Variants in RNF180 observed in about 807,000 individuals in gnomAD.
RNF180 encodes the protein E3 ubiquitin-protein ligase RNF180.
Under a neutral mutation model 59.2 loss-of-function variants are expected in RNF180, and 38 were observed. That is an observed-to-expected ratio of 0.64 (90% CI 0.50 to 0.84). The LOEUF (loss-of-function observed/expected upper bound fraction) is 0.84. Ranked by LOEUF, RNF180 falls within the 40% of genes least tolerant of loss-of-function variation. The probability of loss-of-function intolerance (pLI) is 0.00; values close to 1 mark genes in which losing one functional copy is unlikely to be tolerated. For synonymous variants in RNF180, 262 were observed against 240.3 expected (o/e 1.09, Z -0.84); for missense variants, 705 against 700.9 (o/e 1.01, Z -0.07).
chr5:64,240,952 A>G (rs2112235672), intron 5 of RNF180, among the ~76,000 whole-genome samples: 1 of 152,232 alleles, frequency 6.6e-6, no homozygotes, highest in Admixed American at 6.5e-5. Flanking sequence ...TTTCTACCCT[A>G]CTGGACTATA....
intron 5 of RNF180, among the ~76,000 whole-genome samples, chr5:64,313,889 AT>A (rs1743909417): frequency 6.6e-6 from 1 of 152,032 alleles, no homozygotes. Flanking sequence ...TTTGATTTGC[AT>A]TTATCTAATG....
At chr5:64,227,548 G>A (rs973757477) in intron 5 of RNF180, among the ~76,000 whole-genome samples, 11 of 152,328 alleles carry the variant, frequency 7.2e-5, no homozygotes, top group Non-Finnish European at 7.3e-5. Context: ...CCTCAGAAAG[G>A]GGCCCCTCCA....
chr5:64,228,555 A>C (rs977566773), intron 5 of RNF180, among the ~76,000 whole-genome samples: 1 of 152,156 alleles, frequency 6.6e-6, no homozygotes, highest in Non-Finnish European at 1.5e-5. Context: ...GTTGTTATCT[A>C]TGAAGGGGAA....
At chr5:64,245,388 G>A (rs567579097) in intron 5 of RNF180, among the ~76,000 whole-genome samples, 1 of 152,234 alleles carries the variant, frequency 6.6e-6, no homozygotes, top group South Asian at 2.1e-4. Flanking sequence ...CACATGCAAA[G>A]ACACACATAA....
chr5:64,179,642 TTATC>T (rs1750460911), intron 1 of RNF180, among the ~76,000 whole-genome samples: 1 of 152,222 alleles, frequency 6.6e-6, no homozygotes, highest in African/African-American at 2.4e-5. Flanking sequence ...GAACAAATAT[TTATC>T]AAATCAATTG....
intron 1 of RNF180, among the ~76,000 whole-genome samples, chr5:64,192,787 C>T (rs926948150): frequency 6.6e-6 from 1 of 151,360 alleles, no homozygotes; most frequent in African/African-American, 2.4e-5. Context: ...AAGTAACAGT[C>T]TCAAAGAGAT....
intron 5 of RNF180, among the ~76,000 whole-genome samples, chr5:64,259,473 C>T (rs1443458038): frequency 2.0e-5 from 3 of 152,092 alleles, no homozygotes; most frequent in Non-Finnish European, 2.9e-5. Flanking sequence ...AAGTATAGAC[C>T]TTGTGATGTT....
chr5:64,203,941 G>T (rs56219691), intron 2 of RNF180, among the ~76,000 whole-genome samples: 1 of 152,028 alleles, frequency 6.6e-6, no homozygotes, highest in Non-Finnish European at 1.5e-5. Context: ...GAAATTATTA[G>T]AACCCCAAAG....
intron 7 of RNF180, among the ~76,000 whole-genome samples, chr5:64,361,766 T>A (rs1746262103): frequency 6.6e-6 from 1 of 151,558 alleles, no homozygotes; most frequent in South Asian, 2.1e-4. Context: ...ATGCAGAAGC[T>A]TCTCTTACTA....
At chr5:64,358,362 A>G (rs752506540) in intron 7 of RNF180, among the ~76,000 whole-genome samples, 4 of 151,900 alleles carry the variant, frequency 2.6e-5, no homozygotes, top group Non-Finnish European at 4.4e-5. Context: ...TCCAGGGGAC[A>G]GGGAAGCACA....
At position 64,214,259 on chromosome 5, in the gene RNF180, G is replaced by T. The variant is rs367618450; in HGVS notation, c.933G>T (p.Gln311His). The change falls in exon 4 of 8, where the codon CAG becomes CAT. Residue 311 changes from glutamine to histidine, a missense_variant. Physicochemically the swap from Gln to His is conservative, Grantham distance 24. Transcript: ENST00000389100. ...ETQTQRGGEFQCGLEAASVYS... is the reference protein window; with the variant it reads ...ETQTQRGGEFHCGLEAASVYS... Reference sequence around the variant, plus strand: ...AGACACAAAGAGGAGGAGAATTTCAGTGTGGTCTAGAAGCTGCTTCAGTGT... The same window carrying T: ...AGACACAAAGAGGAGGAGAATTTCATTGTGGTCTAGAAGCTGCTTCAGTGT... 2 of 1,614,030 alleles carry T rather than the reference G, an allele frequency of 1.2e-6. No homozygotes were observed. The highest frequency in any genetic ancestry group is 1.7e-6 in the Non-Finnish European group (2 of 1,179,990).
intron 5 of RNF180, among the ~76,000 whole-genome samples, chr5:64,290,783 G>T (rs1302747063): frequency 6.6e-6 from 1 of 152,032 alleles, no homozygotes; most frequent in Non-Finnish European, 1.5e-5. Flanking sequence ...CATGTGAGAT[G>T]GGTTTCTTGA....
At chr5:64,316,945 G>A (rs925660073) in intron 5 of RNF180, among the ~76,000 whole-genome samples, 1 of 152,146 alleles carries the variant, frequency 6.6e-6, no homozygotes, top group Non-Finnish European at 1.5e-5. Flanking sequence ...TCCTACAGTA[G>A]GCCCTGTTGG....
At chr5:64,349,384 T>C (rs1352435499) in intron 7 of RNF180, among the ~76,000 whole-genome samples, 1 of 151,576 alleles carries the variant, frequency 6.6e-6, no homozygotes, top group African/African-American at 2.4e-5. Context: ...GTAATAATAA[T>C]AAGTTATGAC....
intron 5 of RNF180, among the ~76,000 whole-genome samples, chr5:64,298,563 G>T (rs1385927930): frequency 3.3e-5 from 5 of 152,052 alleles, no homozygotes; most frequent in Admixed American, 3.3e-4. Context: ...GCCTTATTCT[G>T]CATTAAGCAT....
chr5:64,285,107 G>C (rs1742212156), intron 5 of RNF180, among the ~76,000 whole-genome samples: 1 of 152,190 alleles, frequency 6.6e-6, no homozygotes, highest in African/African-American at 2.4e-5. Context: ...CAGCACTCCT[G>C]GGCTACAAGC....
In RNF180 at chr5:64,245,347, C is replaced by T. The variant is rs533584138; in HGVS notation, c.1227+27951C>T. Among the ~76,000 whole-genome samples, 7 of 152,274 alleles carry T rather than the reference C, an allele frequency of 4.6e-5. No individual in the cohort carries two copies. In the South Asian group the frequency reaches 1.4e-3, roughly 32 times the overall value. On this transcript the variant is annotated intron_variant, in intron 5 of 7. Transcript: ENST00000389100. ...GCAAATTGGATAAAGAGTCTAGACC[C>T]ATCAGTGTGCTGTATTCAGGAGACC...
intron 5 of RNF180, among the ~76,000 whole-genome samples, chr5:64,234,382 C>T (rs574794293): frequency 2.6e-5 from 4 of 151,786 alleles, no homozygotes; most frequent in African/African-American, 2.4e-5. Flanking sequence ...AGGAGAATCG[C>T]GTGAACCCGG....
intron 1 of RNF180, among the ~76,000 whole-genome samples, chr5:64,194,307 A>G (rs1198095417): frequency 6.6e-6 from 1 of 152,138 alleles, no homozygotes; most frequent in African/African-American, 2.4e-5. Context: ...TTCCAGCTTC[A>G]TCCATGTCCC....
Sources: gnomAD v4.1 joint callset for allele counts (sites outside exome capture counted in the v4.1 genomes callset) on GRCh38, gnomAD v4.1.1 for gene constraint, MANE v1.5 for transcripts, NCBI Gene and HGNC (gene_info 2026-07-23, HGNC 2026-07-21) for gene names.